The following HAPLN3 variants were observed in gnomAD, a reference collection of about 807,000 sequenced individuals.
The protein encoded by HAPLN3 is extracellular link domain containing, 1.
In HAPLN3, 28 loss-of-function variants were observed where a neutral mutation model predicts 28.1. The observed-to-expected ratio is 1.00, with a 90% confidence interval of 0.74 to 1.37. The LOEUF (loss-of-function observed/expected upper bound fraction) is 1.37. HAPLN3 is among the 40% of genes most tolerant of loss of function. The probability of loss-of-function intolerance (pLI) is 0.00; values close to 1 mark genes in which losing one functional copy is unlikely to be tolerated. For synonymous variants in HAPLN3, 211 were observed against 213.1 expected (o/e 0.99, Z 0.09); for missense variants, 513 against 504.6 (o/e 1.02, Z -0.16).
chr15:88,889,835 A>G lies in HAPLN3; in HGVS notation c.-47-2490T>C, dbSNP rs371799267. ...AACGTGGAAGAATGCTTAGGGTGTA[A>G]GTTAAAATAGACAAAGCAGAACATA... On this transcript the variant is annotated intron_variant, in intron 1 of 4. Coordinates refer to ENST00000359595, the MANE Select transcript of HAPLN3 (RefSeq NM_178232.4). 5.3e-5 allele frequency among the ~76,000 whole-genome samples: 8 copies of G among 152,370 alleles called. No homozygotes were observed. In the East Asian group the frequency reaches 1.2e-3, roughly 22 times the overall value.
intron 1 of HAPLN3, among the ~76,000 whole-genome samples, chr15:88,891,475 T>C (rs763930099): frequency 1.9e-4 from 29 of 151,944 alleles, no homozygotes; most frequent in Non-Finnish European, 3.7e-4. Context: ...TCTTTGTATT[T>C]CTAGTAGAGA....
In HAPLN3 at chr15:88,877,961, C is replaced by T; in HGVS notation, c.*9G>A. Reference sequence around the variant, plus strand: ...AGTGAGGGAATGCGGCAGGGGAGGGCCCCAGGTCCTAGTGCTGGCGGTAGC... The same window carrying T: ...AGTGAGGGAATGCGGCAGGGGAGGGTCCCAGGTCCTAGTGCTGGCGGTAGC... On this transcript the variant is annotated 3_prime_UTR_variant, in exon 5 of 5. Coordinates refer to ENST00000359595, the MANE Select transcript of HAPLN3 (RefSeq NM_178232.4). This position sits in a 1 kb window ranked among gnomAD's most constrained non-coding sequence, Gnocchi z 5.1. 1 of 1,583,860 alleles carries T rather than the reference C, an allele frequency of 6.3e-7. No individual in the cohort carries two copies. Among genetic ancestry groups the T allele is most frequent in the Non-Finnish European group, 8.6e-7 (1 of 1,163,356 alleles).
chr15:88,879,548 C>CTG lies in HAPLN3; in HGVS notation c.494-281_494-280dup. The CTG allele has an allele frequency of 7.0e-7, 1 of 1,430,678 alleles. No homozygotes were observed. The highest frequency in any genetic ancestry group is 9.3e-7 in the Non-Finnish European group (1 of 1,079,164). The allele number at this position is 1,430,678 out of a possible 1,614,324, so 88.6% of individuals were successfully genotyped here. ...AATGTCCCCAACCTAATCCGCAAGG[C>CTG]TGTCGCCAGACCCCCAGTGAGGCTG... On this transcript the variant is annotated intron_variant, in intron 3 of 4. Transcript: ENST00000359595. This position sits in a 1 kb window ranked among gnomAD's most constrained non-coding sequence, Gnocchi z 5.0.
chr15:88,892,750 G>A (rs1415121968), intron 1 of HAPLN3, among the ~76,000 whole-genome samples: 2 of 152,158 alleles, frequency 1.3e-5, no homozygotes, highest in Non-Finnish European at 2.9e-5. Context: ...GAATGCTAAG[G>A]TCAGTGCACA....
chr15:88,882,802 G>A (rs936381938), intron 2 of HAPLN3, among the ~76,000 whole-genome samples: 36 of 152,118 alleles, frequency 2.4e-4, no homozygotes, highest in African/African-American at 8.7e-4. Flanking sequence ...CCAGGAGTTT[G>A]AGACCAGCCT....
chr15:88,879,241 G>A lies in HAPLN3; in HGVS notation c.522C>T (p.Asn174=), dbSNP rs781710759. 1.9e-5 allele frequency: 30 copies of A among 1,608,680 alleles called. No individual in the cohort carries two copies. Among genetic ancestry groups the A allele is most frequent in the African/African-American group, 6.7e-5 (5 of 74,872 alleles). ...CGTGGAAGTTGAACTGGTAGCGCCCGTTGGGGGACTGGTAAGGAAAGACCA... is the reference window on the plus strand; with the variant it reads ...CGTGGAAGTTGAACTGGTAGCGCCCATTGGGGGACTGGTAAGGAAAGACCA... ...RGVVFPYQSP[N]GRYQFNFHEG... The change falls in exon 4 of 5, where the codon AAC becomes AAT. Residue 174 remains asparagine, a synonymous_variant. Transcript: ENST00000359595. The surrounding 1 kb of genome is among the most constrained non-coding windows in gnomAD (Gnocchi z 5.0).
chr15:88,886,350 TA>T (rs532267599), intron 2 of HAPLN3, among the ~76,000 whole-genome samples: 4,429 of 127,672 alleles, frequency 0.035, 176 homozygotes, highest in African/African-American at 0.1. Flanking sequence ...GACTCCATCT[TA>T]AAAAAAAAAA....
In HAPLN3 at chr15:88,880,698, C is replaced by T; in HGVS notation, c.493+659G>A. 5 of 845,712 alleles carry T rather than the reference C, an allele frequency of 5.9e-6. No individual in the cohort carries two copies. The highest frequency in any genetic ancestry group is 2.7e-4 in the Middle Eastern group (1 of 3,756). 52.4% of individuals were successfully genotyped at this position (845,712 alleles called of 1,614,324 possible). ...GCTTGCAGGGTGTGGCTGGTTTGGACAGCACTGGGTTTTTGTTTTTGGTTT... is the reference window on the plus strand; with the variant it reads ...GCTTGCAGGGTGTGGCTGGTTTGGATAGCACTGGGTTTTTGTTTTTGGTTT... On this transcript the variant is annotated intron_variant, in intron 3 of 4. Coordinates refer to ENST00000359595, the MANE Select transcript of HAPLN3 (RefSeq NM_178232.4). This position sits in a 1 kb window ranked among gnomAD's most constrained non-coding sequence, Gnocchi z 6.0.
At position 88,881,604 on chromosome 15, in the gene HAPLN3, C is replaced by G; in HGVS notation, c.246G>C (p.Arg82=). ...YRYEPALVSP[R]RVRVKWWKLS... is the part of the protein sequence containing the mutation. ...GCTTCCACCATTTGACACGCACACG[C>G]CGCGGGGAGACCAGGGCCGGCTCGT... Residue 82 remains arginine, a synonymous_variant, in exon 3 of 5, where the codon CGG becomes CGC. Transcript: ENST00000359595. This position sits in a 1 kb window ranked among gnomAD's most constrained non-coding sequence, Gnocchi z 6.0. 2 of 1,614,056 alleles carry G rather than the reference C, an allele frequency of 1.2e-6. No individual in the cohort carries two copies. Among genetic ancestry groups the G allele is most frequent in the Admixed American group, 3.3e-5 (2 of 60,038 alleles).
chr15:88,882,959 C>T (rs562881476), intron 2 of HAPLN3, among the ~76,000 whole-genome samples: 283 of 152,202 alleles, frequency 1.9e-3, no homozygotes, highest in Admixed American at 3.1e-3. Context: ...GAGTCATGAT[C>T]GCACCACTGC....
chr15:88,879,372 A>G lies in HAPLN3; in HGVS notation c.494-103T>C, dbSNP rs2141655914. ...CACTGGGACATGTGCTGCCTGCAAC[A>G]CACACACATACACCATCCCTCAGAA... On this transcript the variant is annotated intron_variant, in intron 3 of 4. Coordinates refer to ENST00000359595, the MANE Select transcript of HAPLN3 (RefSeq NM_178232.4). This position sits in a 1 kb window ranked among gnomAD's most constrained non-coding sequence, Gnocchi z 5.0. 1 of 1,564,732 alleles carries G rather than the reference A, an allele frequency of 6.4e-7. No individual in the cohort carries two copies. Among genetic ancestry groups the G allele is most frequent in the East Asian group, 2.4e-5 (1 of 42,406 alleles).
In HAPLN3 at chr15:88,879,122, G is replaced by A. The variant is rs569695538; in HGVS notation, c.641C>T (p.Ala214Val). The A allele has an allele frequency of 3.2e-5, 51 of 1,613,376 alleles. No individual in the cohort carries two copies. Among genetic ancestry groups the A allele is most frequent in the South Asian group, 5.5e-5 (5 of 91,042 alleles). The change falls in exon 4 of 5, where the codon GCG (alanine) becomes GTG (valine). Residue 214 changes from alanine (A) to valine (V), a missense_variant. Coordinates refer to ENST00000359595, the MANE Select transcript of HAPLN3 (RefSeq NM_178232.4). The surrounding 1 kb of genome is among the most constrained non-coding windows in gnomAD (Gnocchi z 5.0). ...CACCGTGGCATCCTGCAGCCAGCCC[G>A]CGTTGCACCAGTCCAGGCCCTCCTC... ...AWEEGLDWCN[A>V]GWLQDATVQY...
intron 4 of HAPLN3, 24 bp from the exon 5 acceptor site, chr15:88,878,280 C>T (rs1567198535): frequency 6.3e-7 from 1 of 1,593,136 alleles, no homozygotes. Flanking sequence ...GGCGTGAGTG[C>T]CGTACAGCGC....
intron 2 of HAPLN3, among the ~76,000 whole-genome samples, chr15:88,883,543 C>T (rs1897763880): frequency 6.6e-6 from 1 of 152,246 alleles, no homozygotes; most frequent in African/African-American, 2.4e-5. Flanking sequence ...ATTTAGGGGC[C>T]ACTTCCTTGG....
At chr15:88,887,435 C>G in intron 1 of HAPLN3, 90 bp from the exon 2 acceptor site, 1 of 1,191,384 alleles carries the variant, frequency 8.4e-7, no homozygotes, top group Non-Finnish European at 1.2e-6. Context: ...CTCGCTTGCT[C>G]AACAGCTCAC....
Position 88,895,223 on chromosome 15 carries a change from G to C in HAPLN3, c.-48+236C>G, listed in dbSNP as rs923189945. On this transcript the variant is annotated intron_variant, in intron 1 of 4. Transcript: ENST00000359595. This position sits in a 1 kb window ranked among gnomAD's most constrained non-coding sequence, Gnocchi z 5.5. ...GGCTCTGCTCCCTCACGGTGGGCAC[G>C]AGGGTCCGGCGCCCGCATCCCCGCG... is the stretch of plus-strand genomic sequence containing the variant. Among the ~76,000 whole-genome samples, 1 of 152,104 alleles carries C rather than the reference G, an allele frequency of 6.6e-6. No homozygotes were observed. The highest frequency in any genetic ancestry group is 1.5e-5 in the Non-Finnish European group (1 of 67,990).
At position 88,881,471 on chromosome 15, in the gene HAPLN3, G is replaced by T. The variant is rs781367183; in HGVS notation, c.379C>A (p.His127Asn). ...GRVHLRQDKE[H>N]DVSLEIQDLR... ...TCCTGGATCTCCAGCGAGACGTCAT[G>T]CTCTTTGTCCTGCCGCAGGTGCACG... The change falls in exon 3 of 5, where the codon CAT becomes AAT. Residue 127 changes from histidine to asparagine, a missense_variant. By Grantham distance (68) the His-to-Asn change is moderately conservative. Transcript: ENST00000359595. The surrounding 1 kb of genome is among the most constrained non-coding windows in gnomAD (Gnocchi z 6.0). 9 of 1,614,054 alleles carry T rather than the reference G, an allele frequency of 5.6e-6. No homozygotes were observed. The highest frequency in any genetic ancestry group is 7.6e-6 in the Non-Finnish European group (9 of 1,180,032).
intron 1 of HAPLN3, chr15:88,892,853 A>T: frequency 9.0e-7 from 1 of 1,108,514 alleles, no homozygotes; most frequent in East Asian, 2.6e-5. Context: ...GACCACTACC[A>T]CTGAGGGGAG....
At position 88,881,052 on chromosome 15, in the gene HAPLN3, C is replaced by T. The variant is rs955948314; in HGVS notation, c.493+305G>A. The T allele has an allele frequency of 4.8e-6, 2 of 413,348 alleles. No individual in the cohort carries two copies. The highest frequency in any genetic ancestry group is 4.1e-5 in the African/African-American group (2 of 49,108). The allele number at this position is 413,348 out of a possible 1,614,324, so 25.6% of individuals were successfully genotyped here. A position where few individuals can be genotyped will look rare whatever the true frequency, so the allele number is the denominator to read the frequency against. On this transcript the variant is annotated intron_variant, in intron 3 of 4. Transcript: ENST00000359595. This position sits in a 1 kb window ranked among gnomAD's most constrained non-coding sequence, Gnocchi z 6.0. Reference sequence around the variant, plus strand: ...AAGCTGTGGGACCAGCTCTGGTTTTCCTCTCTCTGAATGAGATGTGAATTA... The same window carrying T: ...AAGCTGTGGGACCAGCTCTGGTTTTTCTCTCTCTGAATGAGATGTGAATTA...
Sources: allele counts gnomAD v4.1 joint callset (sites outside exome capture counted in the v4.1 genomes callset), GRCh38; gene constraint gnomAD v4.1.1; non-coding constraint Gnocchi (gnomAD v3.1); transcripts MANE v1.5; gene names NCBI Gene and HGNC (gene_info 2026-07-23, HGNC 2026-07-21).